Variants in KCNAB1 observed in about 807,000 individuals in gnomAD.
KCNAB1 encodes potassium voltage-gated channel subfamily A regulatory beta subunit 1.
KCNAB1 carries 35 observed loss-of-function variants against 64.6 expected under a neutral mutation model. The observed-to-expected ratio is 0.54, with a 90% CI of 0.41 to 0.72. The LOEUF (loss-of-function observed/expected upper bound fraction) is 0.72, where lower values mean the gene tolerates loss of function less well. Among genes scored for constraint, KCNAB1 ranks in the 30% least tolerant of loss-of-function variants. The pLI, the probability that KCNAB1 is intolerant of heterozygous loss-of-function variation, is 0.00. For missense variants in KCNAB1, 401 were observed against 512.9 expected, an observed-to-expected ratio of 0.78 and a Z score of 2.11; for synonymous variants, 177 against 183.8, an observed-to-expected ratio of 0.96 and a Z score of 0.30.
At chr3:156,336,144 G>A (rs1723694187) in intron 1 of KCNAB1, among the ~76,000 whole-genome samples, 1 of 152,164 alleles carries the variant, frequency 6.6e-6, no homozygotes, top group Non-Finnish European at 1.5e-5. Flanking sequence ...CGGATCACTT[G>A]AGGTCAGAAG....
chr3:156,164,965 T>A (rs1430073562), intron 1 of KCNAB1, among the ~76,000 whole-genome samples: 1 of 152,150 alleles, frequency 6.6e-6, no homozygotes, highest in Non-Finnish European at 1.5e-5. Flanking sequence ...ATGCTTTTGA[T>A]GTTGAAAGAA....
chr3:156,349,228 AG>A (rs1724698532), intron 1 of KCNAB1, among the ~76,000 whole-genome samples: 2 of 152,066 alleles, frequency 1.3e-5, no homozygotes, highest in African/African-American at 4.8e-5. Context: ...GGCAAGTGGA[AG>A]AAAAAAAGTA....
intron 7 of KCNAB1, among the ~76,000 whole-genome samples, chr3:156,466,310 T>A (rs1406103176): frequency 6.6e-6 from 1 of 152,136 alleles, no homozygotes; most frequent in Non-Finnish European, 1.5e-5. Context: ...CAGTATTTTA[T>A]CCCTTTCTTT....
intron 1 of KCNAB1, among the ~76,000 whole-genome samples, chr3:156,144,982 G>A (rs1176081547): frequency 6.6e-6 from 1 of 152,216 alleles, no homozygotes; most frequent in Non-Finnish European, 1.5e-5. Context: ...AGCTGCCTCA[G>A]CTAAAGGTGG....
chr3:156,202,769 G>A (rs60634754), intron 1 of KCNAB1, among the ~76,000 whole-genome samples: 1 of 151,726 alleles, frequency 6.6e-6, no homozygotes, highest in East Asian at 1.9e-4. Flanking sequence ...TTTTTAAATT[G>A]GAAATCAATG....
intron 7 of KCNAB1, among the ~76,000 whole-genome samples, chr3:156,466,294 G>T (rs1008695016): frequency 6.6e-6 from 1 of 151,926 alleles, no homozygotes; most frequent in African/African-American, 2.4e-5. Context: ...ATGTTGTAGC[G>T]CATGTCAGTA....
intron 5 of KCNAB1, among the ~76,000 whole-genome samples, chr3:156,461,269 T>C (rs528997059): frequency 1.3e-5 from 2 of 152,274 alleles, no homozygotes; most frequent in East Asian, 3.9e-4. Flanking sequence ...AAAATCAAGG[T>C]TTGACTTCAG....
chr3:156,404,085 G>T (rs1367481816), intron 1 of KCNAB1, among the ~76,000 whole-genome samples: 1 of 152,146 alleles, frequency 6.6e-6, no homozygotes, highest in Admixed American at 6.5e-5. Flanking sequence ...ACAATGCATA[G>T]TTGATGTAGC....
intron 1 of KCNAB1, among the ~76,000 whole-genome samples, chr3:156,313,782 A>C (rs981825924): frequency 3.9e-5 from 6 of 152,262 alleles, no homozygotes; most frequent in Non-Finnish European, 5.9e-5. Context: ...TTGTGATAGC[A>C]GCAATAGGAA....
intron 1 of KCNAB1, among the ~76,000 whole-genome samples, chr3:156,319,025 C>T (rs371879253): frequency 1.3e-5 from 2 of 151,992 alleles, no homozygotes; most frequent in South Asian, 2.1e-4. Flanking sequence ...AAAATAAATA[C>T]AAAAACAAAA....
intron 1 of KCNAB1, among the ~76,000 whole-genome samples, chr3:156,210,890 T>C (rs1018040977): frequency 5.9e-5 from 9 of 152,194 alleles, no homozygotes; most frequent in Non-Finnish European, 1.0e-4. Flanking sequence ...AAAGAGGACA[T>C]GGGGTAAACA....
At chr3:156,431,894 C>G (rs1291685332) in intron 2 of KCNAB1, among the ~76,000 whole-genome samples, 1 of 152,212 alleles carries the variant, frequency 6.6e-6, no homozygotes, top group Non-Finnish European at 1.5e-5. Context: ...CTTCATGCCT[C>G]ACATCCCATT....
At chr3:156,307,885 A>C (rs1196317077) in intron 1 of KCNAB1, among the ~76,000 whole-genome samples, 1 of 152,242 alleles carries the variant, frequency 6.6e-6, no homozygotes, top group Non-Finnish European at 1.5e-5. Context: ...ATTTGGAGTC[A>C]GTTGATTCAT....
At chr3:156,277,214 C>T (rs1252337342) in intron 1 of KCNAB1, among the ~76,000 whole-genome samples, 1 of 152,148 alleles carries the variant, frequency 6.6e-6, no homozygotes, top group Non-Finnish European at 1.5e-5. Context: ...AATTTGCCAT[C>T]TTATATGGGT....
At chr3:156,478,606 A>G (rs908202647) in intron 8 of KCNAB1, among the ~76,000 whole-genome samples, 1 of 152,192 alleles carries the variant, frequency 6.6e-6, no homozygotes, top group African/African-American at 2.4e-5. Flanking sequence ...GTGTGCCCAC[A>G]ATGAGCATCG....
intron 1 of KCNAB1, among the ~76,000 whole-genome samples, chr3:156,257,874 A>C (rs1718192397): frequency 6.6e-6 from 1 of 152,202 alleles, no homozygotes; most frequent in South Asian, 2.1e-4. Flanking sequence ...GAGCAGCGGA[A>C]GAAGGGACCA....
chr3:156,246,634 C>CAAA (rs11293726), intron 1 of KCNAB1, among the ~76,000 whole-genome samples: 3 of 125,976 alleles, frequency 2.4e-5, no homozygotes, highest in Non-Finnish European at 1.6e-5. Context: ...AAAAAAGCAG[C>CAAA]AAAAAAAAAA....
intron 11 of KCNAB1, among the ~76,000 whole-genome samples, chr3:156,522,573 G>A (rs893504436): frequency 6.6e-6 from 1 of 152,200 alleles, no homozygotes. Flanking sequence ...CAGCCCATAA[G>A]CCTTTGAGAT....
chr3:156,369,330 T>C (rs1726154604), intron 1 of KCNAB1, among the ~76,000 whole-genome samples: 1 of 152,248 alleles, frequency 6.6e-6, no homozygotes, highest in African/African-American at 2.4e-5. Flanking sequence ...CCACAGTTTA[T>C]CCATTTTATT....
Sources: gnomAD v4.1 joint callset for allele counts (sites outside exome capture counted in the v4.1 genomes callset) on GRCh38, gnomAD v4.1.1 for gene constraint, MANE v1.5 for transcripts, NCBI Gene and HGNC (gene_info 2026-07-23, HGNC 2026-07-21) for gene names.